The following DENND1B variants were observed in gnomAD, a reference collection of about 807,000 sequenced individuals.
The protein encoded by DENND1B is DENN domain-containing protein 1B.
In DENND1B, 59 loss-of-function variants were observed where a neutral mutation model predicts 90.1. The ratio of observed to expected loss-of-function variants is 0.65; its 90% CI spans 0.53 to 0.81. The LOEUF is 0.81. DENND1B is among the 40% of genes least tolerant of loss of function. The pLI, the probability that DENND1B is intolerant of heterozygous loss-of-function variation, is 0.00. For synonymous variants in DENND1B, 337 were observed against 324.6 expected (o/e 1.04, Z -0.41); for missense variants, 862 against 912.6 (o/e 0.94, Z 0.71).
intron 3 of DENND1B, among the ~76,000 whole-genome samples, chr1:197,705,419 C>T (rs1411326035): frequency 6.6e-6 from 1 of 152,068 alleles, no homozygotes; most frequent in Non-Finnish European, 1.5e-5. Context: ...TGAATGTTCA[C>T]CACCATTACA....
chr1:197,740,322 G>A (rs1663099332), intron 2 of DENND1B, among the ~76,000 whole-genome samples: 1 of 152,126 alleles, frequency 6.6e-6, no homozygotes, highest in African/African-American at 2.4e-5. Context: ...AAAGGATGAG[G>A]TTAGAAATGT....
At chr1:197,560,932 T>C (rs1410788975) in intron 15 of DENND1B, among the ~76,000 whole-genome samples, 1 of 151,912 alleles carries the variant, frequency 6.6e-6, no homozygotes, top group African/African-American at 2.4e-5. Flanking sequence ...CTACAAGCTC[T>C]AAGTCACACA....
chr1:197,595,507 G>A (rs1159394419), intron 13 of DENND1B, among the ~76,000 whole-genome samples, 174 bp from the exon 14 acceptor site: 3 of 152,056 alleles, frequency 2.0e-5, no homozygotes, highest in African/African-American at 4.8e-5. Flanking sequence ...TAATTGAAAC[G>A]AAAGCAGGAG....
intron 2 of DENND1B, among the ~76,000 whole-genome samples, chr1:197,756,036 T>C (rs1181851574): frequency 6.6e-6 from 1 of 152,164 alleles, no homozygotes; most frequent in Non-Finnish European, 1.5e-5. Flanking sequence ...TTTAAAAGTA[T>C]AGGGAAATAT....
chr1:197,746,788 C>T, intron 2 of DENND1B: 3 of 1,571,194 alleles, frequency 1.9e-6, no homozygotes, highest in Non-Finnish European at 2.6e-6. Context: ...CCCATCTCTT[C>T]TTTGCTTCAA....
intron 3 of DENND1B, among the ~76,000 whole-genome samples, chr1:197,697,504 A>G (rs1021379514): frequency 1.3e-5 from 2 of 151,786 alleles, no homozygotes; most frequent in African/African-American, 4.8e-5. Context: ...AGGACCAACT[A>G]AAGGACAAAA....
intron 3 of DENND1B, among the ~76,000 whole-genome samples, chr1:197,695,890 C>A (rs1275231606): frequency 6.6e-6 from 1 of 151,124 alleles, no homozygotes; most frequent in African/African-American, 2.4e-5. Flanking sequence ...CAATGTGTCT[C>A]AATTTCAAAT....
At chr1:197,642,985 T>C (rs6428414) in intron 9 of DENND1B, among the ~76,000 whole-genome samples, 164 bp from the exon 10 acceptor site, 147,762 of 152,210 alleles carry the variant, frequency 0.97, 71,895 homozygotes, top group East Asian at 1. Context: ...CCACATAAAG[T>C]ACATAATATT....
intron 13 of DENND1B, among the ~76,000 whole-genome samples, chr1:197,596,187 GTTTGT>G (rs1675671537): frequency 6.6e-6 from 1 of 151,896 alleles, no homozygotes; most frequent in African/African-American, 2.4e-5. Context: ...AGATATTTAA[GTTTGT>G]TTTAATTTTT....
chr1:197,628,763 T>C (rs557751323), intron 10 of DENND1B, among the ~76,000 whole-genome samples: 5 of 152,076 alleles, frequency 3.3e-5, no homozygotes, highest in African/African-American at 7.2e-5. Flanking sequence ...GAGAAAATTT[T>C]TGCAACCTAC....
At chr1:197,546,312 C>G (rs918186332) in intron 17 of DENND1B, among the ~76,000 whole-genome samples, 2 of 152,100 alleles carry the variant, frequency 1.3e-5, no homozygotes, top group Admixed American at 6.6e-5. Flanking sequence ...GAAAGAAATA[C>G]AAGTTTATCA....
chr1:197,571,227 T>C (rs1673124869), intron 15 of DENND1B, among the ~76,000 whole-genome samples: 1 of 152,114 alleles, frequency 6.6e-6, no homozygotes, highest in African/African-American at 2.4e-5. Flanking sequence ...CTTTACAAAA[T>C]ACAGATCAGA....
At chr1:197,630,364 T>C (rs1258631186) in intron 10 of DENND1B, among the ~76,000 whole-genome samples, 2 of 152,096 alleles carry the variant, frequency 1.3e-5, no homozygotes, top group African/African-American at 2.4e-5. Context: ...GGATGGCACC[T>C]TGTTACTGCA....
chr1:197,626,416 A>G (rs1678731699), intron 10 of DENND1B, among the ~76,000 whole-genome samples: 1 of 152,198 alleles, frequency 6.6e-6, no homozygotes, highest in South Asian at 2.1e-4. Context: ...CTGCTCCTGA[A>G]TGACTACTGG....
At chr1:197,552,860 C>T (rs1671355144) in intron 16 of DENND1B, 162 bp downstream of exon 16, 20 of 1,387,136 alleles carry the variant, frequency 1.4e-5, no homozygotes, top group Non-Finnish European at 1.9e-5. Flanking sequence ...GCAAAATAAG[C>T]TAATTCCATA....
At chr1:197,743,523 A>G (rs1663414572) in intron 2 of DENND1B, among the ~76,000 whole-genome samples, 1 of 152,144 alleles carries the variant, frequency 6.6e-6, no homozygotes, top group African/African-American at 2.4e-5. Context: ...CTGCTAACTG[A>G]TCAGCCTGGG....
intron 10 of DENND1B, among the ~76,000 whole-genome samples, chr1:197,639,688 T>C (rs1680105969): frequency 6.6e-6 from 1 of 152,074 alleles, no homozygotes; most frequent in Admixed American, 6.5e-5. Flanking sequence ...CCGTGATATA[T>C]AAAAATATGA....
upstream of DENND1B, chr1:197,775,605 C>T: frequency 6.5e-6 from 1 of 154,194 alleles, no homozygotes; most frequent in Non-Finnish European, 1.4e-5. Flanking sequence ...CGCGCCCGGG[C>T]GGCCAGAGGG....
chr1:197,583,382 C>G (rs550878089), intron 14 of DENND1B, 129 bp from the exon 15 acceptor site: 2 of 747,244 alleles, frequency 2.7e-6, no homozygotes, highest in Admixed American at 5.2e-5. Flanking sequence ...CTTCCTTACA[C>G]AGAATAGTTT....
Sources: allele counts gnomAD v4.1 joint callset (sites outside exome capture counted in the v4.1 genomes callset), GRCh38; gene constraint gnomAD v4.1.1; transcripts MANE v1.5; gene names NCBI Gene and HGNC (gene_info 2026-07-23, HGNC 2026-07-21).